ZNF273: variants seen among roughly 807,000 people sequenced by gnomAD.
ZNF273 encodes zinc finger protein 273, also known as zinc finger protein 9.
Under a neutral mutation model 14.9 loss-of-function variants are expected in ZNF273, and 11 were observed. That is an observed-to-expected ratio of 0.74 (90% CI 0.46 to 1.22). ZNF273 has a LOEUF of 1.22. Among genes scored for constraint, ZNF273 ranks in the 50% most tolerant of loss-of-function variants. The probability of loss-of-function intolerance (pLI) is 0.00; values close to 1 mark genes in which losing one functional copy is unlikely to be tolerated. For synonymous variants in ZNF273, 199 were observed against 223.9 expected (o/e 0.89, Z 0.99); for missense variants, 577 against 660.6 (o/e 0.87, Z 1.39).
At chr7:64,904,410 A>T (rs939947140) in intron 1 of ZNF273, among the ~76,000 whole-genome samples, 8 of 152,176 alleles carry the variant, frequency 5.3e-5, no homozygotes, top group East Asian at 3.9e-4. Flanking sequence ...AGATTTTTTT[A>T]AAAAATGGGG....
rs750737426 is a variant in ZNF273 at position 64,921,637 on chromosome 7, T to TTTTTTTTTTTTTTTTG, written c.325+3345_325+3346insTTTTTTTTTTTTTTTG. Among the ~76,000 whole-genome samples, 9 of 29,574 alleles carry TTTTTTTTTTTTTTTTG rather than the reference T, an allele frequency of 3.0e-4. 1 individual carries two copies. The highest frequency in any genetic ancestry group is 1.2e-3 in the African/African-American group (8 of 6,414). The allele number at this position is 29,574 out of a possible 152,430, so 19.4% of individuals were successfully genotyped here. ...TTTTTTTTTTTTTTTTTTTTTTTTT[T>TTTTTTTTTTTTTTTTG]GTGTGTGAGACAGAGTCTTGCTCTC... On this transcript the variant is annotated intron_variant, in intron 3 of 3. Transcript: ENST00000476120.
chr7:64,926,017 C>G (rs1177931794), intron 3 of ZNF273, among the ~76,000 whole-genome samples: 1 of 134,692 alleles, frequency 7.4e-6, no homozygotes, highest in Non-Finnish European at 1.6e-5. Flanking sequence ...GGAAATAACT[C>G]CTTTTCACCA....
At chr7:64,912,610 C>T (rs1244157759) in intron 1 of ZNF273, among the ~76,000 whole-genome samples, 1 of 151,990 alleles carries the variant, frequency 6.6e-6, no homozygotes, top group Non-Finnish European at 1.5e-5. Flanking sequence ...AAGAGCATGT[C>T]CTGAGACCTG....
upstream of ZNF273, among the ~76,000 whole-genome samples, chr7:64,899,822 G>A (rs1263653513): frequency 6.7e-6 from 1 of 150,234 alleles, no homozygotes; most frequent in Admixed American, 6.6e-5. Flanking sequence ...GTGCAATGGC[G>A]TGATCTTGGC....
At chr7:64,923,198 CTCTG>C (rs1355104185) in intron 3 of ZNF273, among the ~76,000 whole-genome samples, 2 of 152,006 alleles carry the variant, frequency 1.3e-5, no homozygotes, top group Non-Finnish European at 2.9e-5. Flanking sequence ...CTCATACAAA[CTCTG>C]TCTTTTTGTG....
intron 3 of ZNF273, among the ~76,000 whole-genome samples, chr7:64,897,150 C>G (rs1260765098): frequency 6.6e-6 from 1 of 152,116 alleles, no homozygotes; most frequent in East Asian, 1.9e-4. Flanking sequence ...CTTACCTTAA[C>G]ATGTAATTTA....
chr7:64,887,751 A>T (rs866475393), intron 1 of ZNF273, among the ~76,000 whole-genome samples: 1 of 147,964 alleles, frequency 6.8e-6, no homozygotes, highest in African/African-American at 2.5e-5. Context: ...GCCCGCCTCG[A>T]CCTCCCAGAG....
chr7:64,915,303 G>A (rs545152111), intron 1 of ZNF273, among the ~76,000 whole-genome samples: 16 of 151,046 alleles, frequency 1.1e-4, no homozygotes, highest in South Asian at 2.1e-4. Context: ...ACCCAGCGGC[G>A]CTAGAGGAAT....
intron 1 of ZNF273, among the ~76,000 whole-genome samples, chr7:64,911,878 C>A (rs1793540142): frequency 1.3e-5 from 2 of 152,070 alleles, no homozygotes; most frequent in South Asian, 4.1e-4. Context: ...CATAAATTTC[C>A]CTCTTAACAC....
At chr7:64,915,925 A>G (rs984403898) in intron 1 of ZNF273, among the ~76,000 whole-genome samples, 20 of 151,706 alleles carry the variant, frequency 1.3e-4, no homozygotes, top group African/African-American at 4.4e-4. Flanking sequence ...GCCAGGCATG[A>G]TGGTTCATGC....
chr7:64,889,180 GGCA>G, downstream of ZNF273: 1 of 985,844 alleles, frequency 1.0e-6, no homozygotes, highest in Non-Finnish European at 1.2e-6. The surrounding 1 kb of genome is among the most constrained non-coding windows in gnomAD (Gnocchi z 4.2). Context: ...TGCTGGCGGC[GGCA>G]GCCCCTGCAG....
chr7:64,903,543 C>T, intron 1 of ZNF273, 124 bp downstream of exon 1: 2 of 1,009,160 alleles, frequency 2.0e-6, no homozygotes, highest in Non-Finnish European at 3.0e-6. Flanking sequence ...CAGGAGTTCT[C>T]CTTGGCGCAG....
rs1253236658 is a variant in ZNF273, at chr7:64,921,298, G to A, written c.325+3006G>A. On this transcript the variant is annotated intron_variant, in intron 3 of 3. Transcript: ENST00000476120. ...AGGCTGGTCTCGAACTCCTGACCTC[G>A]TGATCCGCCCACCTCAGCCTCACAA... is the stretch of plus-strand genomic sequence containing the variant. 3.3e-5 allele frequency among the ~76,000 whole-genome samples: 5 copies of A among 151,778 alleles called. No homozygotes were observed. The South Asian group carries it at 6.3e-4, about 19-fold the overall frequency.
upstream of ZNF273, among the ~76,000 whole-genome samples, chr7:64,898,443 C>A (rs1792493557): frequency 6.6e-6 from 1 of 152,152 alleles, no homozygotes; most frequent in African/African-American, 2.4e-5. Flanking sequence ...TCTATTTTAT[C>A]CTAAATTTAC....
At chr7:64,912,832 T>TG (rs1554386326) in intron 1 of ZNF273, among the ~76,000 whole-genome samples, 26 of 61,240 alleles carry the variant, frequency 4.2e-4, no homozygotes, top group South Asian at 1.6e-3. Flanking sequence ...TTTAGTTTTT[T>TG]TTTTTTTTTT....
Position 64,929,105 on chromosome 7 carries a change from ACTGGAGAAAACTCCCAGAAGTGGAGTTTT to A in ZNF273, c.*69_*97del. Reference sequence around the variant, plus strand: ...CTTGATTGTATATAAGATAATTCATACTGGAGAAAACTCCCAGAAGTGGAGTTTTCCTTATTGCACAGGAAAGCATTTAT... The same window carrying A: ...CTTGATTGTATATAAGATAATTCATACCTTATTGCACAGGAAAGCATTTAT... On this transcript the variant is annotated 3_prime_UTR_variant, in exon 4 of 4. Coordinates refer to ENST00000476120, the MANE Select transcript of ZNF273 (RefSeq NM_021148.3). 1.8e-5 allele frequency: 27 copies of A among 1,461,412 alleles called. No individual in the cohort carries two copies. Among genetic ancestry groups the A allele is most frequent in the Middle Eastern group, 1.9e-4 (1 of 5,404 alleles). The allele number at this position is 1,461,412 out of a possible 1,614,324, so 90.5% of individuals were successfully genotyped here. A position where few individuals can be genotyped will look rare whatever the true frequency, so the allele number is the denominator to read the frequency against.
At chr7:64,915,663 T>C (rs538529080) in intron 1 of ZNF273, among the ~76,000 whole-genome samples, 1 of 152,186 alleles carries the variant, frequency 6.6e-6, no homozygotes. Flanking sequence ...GTGGGCGTCA[T>C]GGCCATCATG....
chr7:64,923,972 T>C (rs1235135601), intron 3 of ZNF273: 2 of 152,282 alleles, frequency 1.3e-5, no homozygotes, highest in Non-Finnish European at 2.9e-5. Context: ...CCATATACTT[T>C]AGGGGTTGCT....
chr7:64,914,341 TCTG>T (rs1329216811), intron 1 of ZNF273, among the ~76,000 whole-genome samples: 1 of 143,538 alleles, frequency 7.0e-6, no homozygotes, highest in African/African-American at 2.5e-5. Flanking sequence ...CTGGACTGTT[TCTG>T]CTATTTAAAA....
Sources: gnomAD v4.1 joint callset for allele counts (sites outside exome capture counted in the v4.1 genomes callset) on GRCh38, gnomAD v4.1.1 for gene constraint, Gnocchi (gnomAD v3.1) non-coding constraint, MANE v1.5 for transcripts, NCBI Gene and HGNC (gene_info 2026-07-23, HGNC 2026-07-21) for gene names.